CNTNAP5: variants seen among roughly 807,000 people sequenced by gnomAD.
CNTNAP5 encodes contactin-associated protein-like 5.
CNTNAP5 carries 72 observed loss-of-function variants against 150.2 expected under a neutral mutation model. The observed-to-expected ratio is 0.48, with a 90% CI of 0.40 to 0.58. The LOEUF (loss-of-function observed/expected upper bound fraction) is 0.58. CNTNAP5 is among the 20% of genes least tolerant of loss of function. The probability of loss-of-function intolerance (pLI) is 0.00; values close to 1 mark genes in which losing one functional copy is unlikely to be tolerated. For synonymous variants in CNTNAP5, 672 were observed against 619.8 expected, an observed-to-expected ratio of 1.08 and a Z score of -1.25; for missense variants, 1,636 against 1,626.2, an observed-to-expected ratio of 1.01 and a Z score of -0.10.
chr2:124,443,597 G>A (rs1338235736), intron 5 of CNTNAP5, among the ~76,000 whole-genome samples: 1 of 152,030 alleles, frequency 6.6e-6, no homozygotes, highest in Non-Finnish European at 1.5e-5. Context: ...GGCAGGGAGG[G>A]TGTTTTACTA....
chr2:124,827,611 G>A (rs1354814153), intron 19 of CNTNAP5, among the ~76,000 whole-genome samples: 1 of 152,158 alleles, frequency 6.6e-6, no homozygotes, highest in East Asian at 1.9e-4. Context: ...TTAGAGGAAG[G>A]AAGTGAAGAC....
intron 1 of CNTNAP5, among the ~76,000 whole-genome samples, chr2:124,057,448 A>ATTTTT (rs556571236): frequency 0.23 from 14,429 of 62,440 alleles, 3,192 homozygotes; most frequent in Non-Finnish European, 0.27. Flanking sequence ...CGGCCAGCTA[A>ATTTTT]TTTTTTTTTT....
chr2:124,711,571 A>G (rs34478775), intron 13 of CNTNAP5, among the ~76,000 whole-genome samples: 24,656 of 152,070 alleles, frequency 0.16, 2,252 homozygotes, highest in East Asian at 0.24. Flanking sequence ...ATTTATTAAC[A>G]AAAATAATTT....
intron 19 of CNTNAP5, among the ~76,000 whole-genome samples, chr2:124,855,325 G>C (rs1677348721): frequency 6.6e-6 from 1 of 151,942 alleles, no homozygotes; most frequent in African/African-American, 2.4e-5. Context: ...TTACAGGCAT[G>C]TGCCACCACG....
intron 3 of CNTNAP5, among the ~76,000 whole-genome samples, chr2:124,414,905 G>A (rs1435549853): frequency 2.0e-5 from 3 of 152,110 alleles, no homozygotes; most frequent in Admixed American, 6.5e-5. Flanking sequence ...AGGGAATTGA[G>A]AGTGCTGAAG....
rs527662015 is a variant in CNTNAP5 at position 124,763,824 on chromosome 2, TTC to T, written c.2362+31_2362+32del. Reference sequence around the variant, plus strand: ...CGTGAGTACAAAATCGAAAGAAGCTTTCTCTCTGCATTACATGAGCACAAGAT... The same window carrying T: ...CGTGAGTACAAAATCGAAAGAAGCTTTCTCTGCATTACATGAGCACAAGAT... On this transcript the variant is annotated intron_variant, in intron 15 of 23. Coordinates refer to ENST00000682447, the MANE Select transcript of CNTNAP5 (RefSeq NM_001367498.1). 1.1e-4 allele frequency: 182 copies of T among 1,612,510 alleles called. 2 individuals carry two copies. In the African/African-American group the frequency reaches 2.2e-3, roughly 20 times the overall value.
Position 124,417,472 on chromosome 2 carries a change from C to A in CNTNAP5, c.411C>A (p.Ser137Arg). The change falls in exon 4 of 24, where the codon AGC (serine) becomes AGA (arginine). Residue 137 changes from serine to arginine, a missense_variant. Coordinates refer to ENST00000682447, the MANE Select transcript of CNTNAP5 (RefSeq NM_001367498.1). ...TTGCAGGAAACATGAATGCTGACAG[C>A]GTGGTGCACCACAAGCTATTGCACT... ...WTFAGNMNAD[S>R]VVHHKLLHSV... 2.5e-6 allele frequency: 4 copies of A among 1,613,876 alleles called. No individual in the cohort carries two copies. The highest frequency in any genetic ancestry group is 3.4e-6 in the Non-Finnish European group (4 of 1,179,842).
intron 1 of CNTNAP5, among the ~76,000 whole-genome samples, chr2:124,035,341 A>T (rs1681184259): frequency 6.6e-6 from 1 of 150,524 alleles, no homozygotes; most frequent in African/African-American, 2.4e-5. Flanking sequence ...TTTCTTTCTA[A>T]TCCTCTTTTC....
chr2:124,292,150 A>G (rs569740015), intron 3 of CNTNAP5, among the ~76,000 whole-genome samples: 10 of 151,688 alleles, frequency 6.6e-5, no homozygotes, highest in African/African-American at 2.4e-4. Context: ...AAAATTACAT[A>G]TTTTTTCCTT....
intron 1 of CNTNAP5, among the ~76,000 whole-genome samples, chr2:124,158,529 G>C (rs892469460): frequency 5.9e-5 from 9 of 152,058 alleles, no homozygotes; most frequent in African/African-American, 2.2e-4. Context: ...GAAATTTGTG[G>C]ATTTTTTCCC....
At chr2:124,182,164 C>A (rs1162990111) in intron 1 of CNTNAP5, among the ~76,000 whole-genome samples, 1 of 152,088 alleles carries the variant, frequency 6.6e-6, no homozygotes, top group Non-Finnish European at 1.5e-5. Flanking sequence ...CACTTTTAGC[C>A]ATTACATTAA....
At chr2:124,151,900 C>T (rs1249129888) in intron 1 of CNTNAP5, among the ~76,000 whole-genome samples, 2 of 152,132 alleles carry the variant, frequency 1.3e-5, no homozygotes, top group African/African-American at 2.4e-5. Context: ...CTAATTATCT[C>T]GTGACTGCCA....
At chr2:124,117,849 T>C (rs1683464339) in intron 1 of CNTNAP5, among the ~76,000 whole-genome samples, 1 of 152,084 alleles carries the variant, frequency 6.6e-6, no homozygotes, top group African/African-American at 2.4e-5. Flanking sequence ...TAGTCAGAAA[T>C]TAAGTGGGAG....
At chr2:124,823,641 G>A (rs911981135) in intron 19 of CNTNAP5, among the ~76,000 whole-genome samples, 1 of 152,076 alleles carries the variant, frequency 6.6e-6, no homozygotes, top group Non-Finnish European at 1.5e-5. Context: ...AGTTGTACAG[G>A]CAGACCTATG....
intron 3 of CNTNAP5, among the ~76,000 whole-genome samples, chr2:124,370,283 G>A (rs1020758836): frequency 6.6e-6 from 1 of 152,024 alleles, no homozygotes. Context: ...GGAAAACGAA[G>A]ACAAAGCAGC....
intron 1 of CNTNAP5, among the ~76,000 whole-genome samples, chr2:124,184,124 G>C (rs1318083624): frequency 6.6e-6 from 1 of 152,070 alleles, no homozygotes; most frequent in African/African-American, 2.4e-5. Context: ...GAGTGGGAGA[G>C]AACAGCATGT....
At chr2:124,246,606 T>A (rs796799419) in intron 3 of CNTNAP5, among the ~76,000 whole-genome samples, 41 of 152,238 alleles carry the variant, frequency 2.7e-4, no homozygotes, top group African/African-American at 9.6e-4. Flanking sequence ...CTTAACTAAG[T>A]CCACTCAGAC....
intron 1 of CNTNAP5, among the ~76,000 whole-genome samples, chr2:124,173,762 A>T (rs2420563): frequency 0.77 from 117,346 of 152,138 alleles, 45,887 homozygotes; most frequent in Non-Finnish European, 0.8. Context: ...GATCTAGATG[A>T]CATCACTGAT....
At chr2:124,657,974 G>A (rs1678494806) in intron 13 of CNTNAP5, among the ~76,000 whole-genome samples, 1 of 152,170 alleles carries the variant, frequency 6.6e-6, no homozygotes, top group Admixed American at 6.5e-5. Flanking sequence ...TTCACTATCT[G>A]CCTCTGTCAA....
Sources: allele counts gnomAD v4.1 joint callset (sites outside exome capture counted in the v4.1 genomes callset), GRCh38; gene constraint gnomAD v4.1.1; transcripts MANE v1.5; gene names NCBI Gene and HGNC (gene_info 2026-07-23, HGNC 2026-07-21).